The following RALYL variants were observed in gnomAD, a reference collection of about 807,000 sequenced individuals.
RALYL encodes the protein RNA-binding Raly-like protein.
In RALYL, 29 loss-of-function variants were observed where a neutral mutation model predicts 35.1. That is an observed-to-expected ratio of 0.83 (90% confidence interval 0.61 to 1.13). RALYL has a LOEUF of 1.13. Ranked by LOEUF, RALYL falls within the 50% of genes most tolerant of loss-of-function variation. RALYL has a pLI of 0.00. For synonymous variants in RALYL, 120 were observed against 127.6 expected, an observed-to-expected ratio of 0.94 and a Z score of 0.40; for missense variants, 359 against 360.4, an observed-to-expected ratio of 1.00 and a Z score of 0.03.
intron 1 of RALYL, among the ~76,000 whole-genome samples, chr8:84,259,574 A>T (rs184224797): frequency 2.0e-5 from 3 of 152,266 alleles, no homozygotes; most frequent in Admixed American, 2.0e-4. Flanking sequence ...ATTTTTTTAG[A>T]TGAACTATCT....
intron 1 of RALYL, among the ~76,000 whole-genome samples, chr8:84,254,805 G>A (rs535873281): frequency 6.6e-6 from 1 of 151,012 alleles, no homozygotes; most frequent in South Asian, 2.1e-4. Context: ...GGAAGCTTCA[G>A]GAAACTTAGA....
intron 1 of RALYL, among the ~76,000 whole-genome samples, chr8:84,332,886 T>C (rs1312314000): frequency 6.6e-6 from 1 of 152,066 alleles, no homozygotes; most frequent in African/African-American, 2.4e-5. Flanking sequence ...ACCCAGACAA[T>C]TAAATCTCAC....
chr8:84,629,733 G>A (rs949555419), intron 2 of RALYL, among the ~76,000 whole-genome samples: 4 of 151,896 alleles, frequency 2.6e-5, no homozygotes, highest in Non-Finnish European at 5.9e-5. Context: ...AGCTTGAAAG[G>A]TTATGCACTA....
intron 2 of RALYL, among the ~76,000 whole-genome samples, chr8:84,756,551 A>C (rs1811451395): frequency 1.3e-5 from 2 of 152,152 alleles, no homozygotes; most frequent in Admixed American, 1.3e-4. Flanking sequence ...ATATTTTAAG[A>C]ACCCACTAGT....
chr8:84,316,634 T>C (rs1843805264), intron 1 of RALYL, among the ~76,000 whole-genome samples: 1 of 152,174 alleles, frequency 6.6e-6, no homozygotes, highest in Non-Finnish European at 1.5e-5. Context: ...TTCTTTTTTA[T>C]TAAAGCATGT....
At chr8:84,214,667 A>C (rs903108591) in intron 1 of RALYL, among the ~76,000 whole-genome samples, 3 of 152,110 alleles carry the variant, frequency 2.0e-5, no homozygotes, top group Non-Finnish European at 4.4e-5. Flanking sequence ...TGAATTGTAT[A>C]TTAACCCTCT....
intron 1 of RALYL, among the ~76,000 whole-genome samples, chr8:84,308,997 A>T (rs1036643550): frequency 6.6e-6 from 1 of 151,822 alleles, no homozygotes; most frequent in South Asian, 2.1e-4. Context: ...TAATTGACAT[A>T]AAATTATAGT....
chr8:84,700,980 G>A (rs1424134441), intron 2 of RALYL, among the ~76,000 whole-genome samples: 1 of 152,142 alleles, frequency 6.6e-6, no homozygotes, highest in East Asian at 1.9e-4. Context: ...TGAATAGGGA[G>A]GTGTTTCAAA....
chr8:84,624,170 C>A (rs1353073117), intron 2 of RALYL, among the ~76,000 whole-genome samples: 1 of 152,208 alleles, frequency 6.6e-6, no homozygotes, highest in East Asian at 1.9e-4. Flanking sequence ...TTTTCAAGGA[C>A]AGCCCTTTCT....
intron 1 of RALYL, among the ~76,000 whole-genome samples, chr8:84,304,893 G>A (rs574138387): frequency 6.6e-6 from 1 of 152,176 alleles, no homozygotes; most frequent in Non-Finnish European, 1.5e-5. Flanking sequence ...TGCACTTAAC[G>A]GTAAATTTGC....
At chr8:84,878,949 G>A (rs527274517) in intron 7 of RALYL, among the ~76,000 whole-genome samples, 18 of 152,290 alleles carry the variant, frequency 1.2e-4, no homozygotes, top group African/African-American at 4.3e-4. Flanking sequence ...AACCATCTCA[G>A]CCTAATGGCC....
At chr8:84,603,775 G>A (rs1382515917) in intron 2 of RALYL, among the ~76,000 whole-genome samples, 2 of 152,134 alleles carry the variant, frequency 1.3e-5, no homozygotes, top group Non-Finnish European at 2.9e-5. Context: ...CTGCAGATAT[G>A]TTGGTGTTGT....
chr8:84,830,452 A>G (rs1830664254), intron 4 of RALYL, among the ~76,000 whole-genome samples: 1 of 152,184 alleles, frequency 6.6e-6, no homozygotes, highest in Non-Finnish European at 1.5e-5. Flanking sequence ...GAAGAGAAGT[A>G]CCAAGATGAC....
At chr8:84,287,636 A>G (rs1346125043) in intron 1 of RALYL, among the ~76,000 whole-genome samples, 2 of 152,116 alleles carry the variant, frequency 1.3e-5, no homozygotes, top group East Asian at 1.9e-4. Flanking sequence ...ATGGGGGAAA[A>G]AAAAGCCCCT....
At chr8:84,573,699 T>G (rs1448486195) in intron 2 of RALYL, among the ~76,000 whole-genome samples, 1 of 151,886 alleles carries the variant, frequency 6.6e-6, no homozygotes, top group African/African-American at 2.4e-5. Flanking sequence ...GAAGTTCCTG[T>G]CAGTTCTCAC....
intron 6 of RALYL, among the ~76,000 whole-genome samples, chr8:84,868,269 T>C (rs111906978): frequency 3.9e-5 from 6 of 152,256 alleles, no homozygotes; most frequent in African/African-American, 1.4e-4. Context: ...TGCAGTGGCA[T>C]GTAACCTCAA....
chr8:84,471,258 G>C (rs1279742569), intron 1 of RALYL, among the ~76,000 whole-genome samples: 2 of 151,984 alleles, frequency 1.3e-5, no homozygotes, highest in South Asian at 2.1e-4. Context: ...TTAGCTCTTT[G>C]TTTAGGCTTT....
chr8:84,265,902 T>TCTTTC (rs931327471), intron 1 of RALYL, among the ~76,000 whole-genome samples: 1 of 152,182 alleles, frequency 6.6e-6, no homozygotes, highest in African/African-American at 2.4e-5. Flanking sequence ...TTCATCCCTT[T>TCTTTC]CTTTCCTTTC....
intron 2 of RALYL, among the ~76,000 whole-genome samples, chr8:84,566,617 C>T (rs1371709646): frequency 2.0e-5 from 3 of 151,436 alleles, no homozygotes; most frequent in African/African-American, 7.3e-5. Flanking sequence ...GAACTCATAA[C>T]CGTGATTTTT....
Sources: gnomAD v4.1 joint callset for allele counts (sites outside exome capture counted in the v4.1 genomes callset) on GRCh38, gnomAD v4.1.1 for gene constraint, MANE v1.5 for transcripts, NCBI Gene and HGNC (gene_info 2026-07-23, HGNC 2026-07-21) for gene names.